The following EPHA6 variants were observed in gnomAD, a reference collection of about 807,000 sequenced individuals.
EPHA6 encodes the protein EPH receptor A6.
EPHA6 carries 50 observed loss-of-function variants against 112.0 expected under a neutral mutation model. That is an observed-to-expected ratio of 0.45 (90% confidence interval 0.36 to 0.56). The LOEUF (loss-of-function observed/expected upper bound fraction) is 0.56. EPHA6 is among the 20% of genes least tolerant of loss of function. The pLI is 0.00. For synonymous variants in EPHA6, 529 were observed against 490.7 expected, an observed-to-expected ratio of 1.08 and a Z score of -1.03; for missense variants, 1,280 against 1,417.4, an observed-to-expected ratio of 0.90 and a Z score of 1.56.
At chr3:97,511,260 T>C (rs1423396096) in intron 10 of EPHA6, among the ~76,000 whole-genome samples, 1 of 152,086 alleles carries the variant, frequency 6.6e-6, no homozygotes, top group Admixed American at 6.5e-5. Flanking sequence ...GCTCGGTGTC[T>C]GCCCAGACAG....
chr3:97,244,539 T>G, intron 5 of EPHA6: 1 of 479,086 alleles, frequency 2.1e-6, no homozygotes, highest in South Asian at 4.8e-5. Flanking sequence ...TTTTGTATAA[T>G]CATATAACAA....
chr3:97,396,607 TA>T (rs776025870), intron 5 of EPHA6, among the ~76,000 whole-genome samples: 4 of 151,640 alleles, frequency 2.6e-5, no homozygotes, highest in African/African-American at 9.7e-5. Flanking sequence ...GAAAATGTAG[TA>T]AAAAATGTAA....
At chr3:97,738,482 T>C (rs1303047029) in intron 16 of EPHA6, among the ~76,000 whole-genome samples, 1 of 152,064 alleles carries the variant, frequency 6.6e-6, no homozygotes, top group African/African-American at 2.4e-5. Context: ...TAAAACAATT[T>C]CCTCTCTGCT....
chr3:97,207,724 T>C (rs1389829067), intron 3 of EPHA6, among the ~76,000 whole-genome samples: 1 of 152,170 alleles, frequency 6.6e-6, no homozygotes, highest in Admixed American at 6.6e-5. Flanking sequence ...AGCTTTTGAT[T>C]AATGGAATGG....
At chr3:97,628,591 T>C (rs763291860) in intron 13 of EPHA6, among the ~76,000 whole-genome samples, 1 of 152,064 alleles carries the variant, frequency 6.6e-6, no homozygotes, top group Non-Finnish European at 1.5e-5. Context: ...GGAATATGAC[T>C]ATTGAAATAA....
At chr3:97,077,842 T>C (rs1314507732) in intron 3 of EPHA6, among the ~76,000 whole-genome samples, 4 of 152,160 alleles carry the variant, frequency 2.6e-5, no homozygotes, top group Non-Finnish European at 4.4e-5. Context: ...TCAATAGTGT[T>C]GTAATAAATA....
At chr3:97,566,561 C>G (rs1473993023) in intron 11 of EPHA6, among the ~76,000 whole-genome samples, 1 of 152,124 alleles carries the variant, frequency 6.6e-6, no homozygotes, top group African/African-American at 2.4e-5. Context: ...TATTTATTAT[C>G]CAGGTTTATT....
At chr3:97,282,089 C>CTTTAAATT (rs2080305259) in intron 5 of EPHA6, among the ~76,000 whole-genome samples, 2 of 152,164 alleles carry the variant, frequency 1.3e-5, no homozygotes, top group African/African-American at 4.8e-5. Flanking sequence ...AGTAATTGAA[C>CTTTAAATT]ACATTGCCCT....
chr3:97,268,274 C>T (rs2079760234), intron 5 of EPHA6, among the ~76,000 whole-genome samples: 1 of 152,074 alleles, frequency 6.6e-6, no homozygotes, highest in Non-Finnish European at 1.5e-5. Context: ...TAGAATTTGG[C>T]CCCATAGCTA....
intron 5 of EPHA6, among the ~76,000 whole-genome samples, chr3:97,332,012 A>C (rs868862805): frequency 6.6e-6 from 1 of 152,262 alleles, no homozygotes; most frequent in South Asian, 2.1e-4. Context: ...TCCTCAATAA[A>C]ATACTGGCAA....
intron 5 of EPHA6, among the ~76,000 whole-genome samples, chr3:97,331,223 A>C (rs189068418): frequency 2.0e-4 from 30 of 152,278 alleles, no homozygotes; most frequent in Non-Finnish European, 2.8e-4. Flanking sequence ...AACATACCAG[A>C]ATCTGTAGGA....
intron 10 of EPHA6, among the ~76,000 whole-genome samples, chr3:97,492,967 G>A (rs1205129582): frequency 5.5e-5 from 8 of 145,450 alleles, no homozygotes; most frequent in Admixed American, 2.7e-4. Flanking sequence ...CAAAACATAA[G>A]CTTTTCCTTT....
intron 14 of EPHA6, among the ~76,000 whole-genome samples, chr3:97,673,226 A>G (rs1367863035): frequency 6.6e-6 from 1 of 152,204 alleles, no homozygotes; most frequent in African/African-American, 2.4e-5. Flanking sequence ...ATTCTGAGAT[A>G]TTATTTTGAT....
At chr3:97,168,632 T>G (rs1275503803) in intron 3 of EPHA6, among the ~76,000 whole-genome samples, 1 of 151,998 alleles carries the variant, frequency 6.6e-6, no homozygotes, top group Non-Finnish European at 1.5e-5. Flanking sequence ...TCTTTCTCTC[T>G]CCTGCCGGCC....
At position 96,992,785 on chromosome 3, in the gene EPHA6, A is replaced by G. The variant is rs1348908552; in HGVS notation, c.1114+4792A>G. Among the ~76,000 whole-genome samples the G allele has an allele frequency of 3.3e-5, 5 of 152,030 alleles. No individual in the cohort carries two copies. The East Asian group carries it at 7.7e-4, about 24-fold the overall frequency. On this transcript the variant is annotated intron_variant, in intron 3 of 17. Coordinates refer to ENST00000389672, the MANE Select transcript of EPHA6 (RefSeq NM_001080448.3). ...GTTTTTGTATCTCTTACCTTTTTTCATATTTTACCTAGCTGCTTTTGTACC... is the reference window on the plus strand; with the variant it reads ...GTTTTTGTATCTCTTACCTTTTTTCGTATTTTACCTAGCTGCTTTTGTACC...
chr3:97,564,612 G>A (rs1375573028), intron 11 of EPHA6, among the ~76,000 whole-genome samples: 1 of 152,038 alleles, frequency 6.6e-6, no homozygotes, highest in Non-Finnish European at 1.5e-5. Flanking sequence ...AACCATGACA[G>A]ATCATGACAC....
intron 3 of EPHA6, among the ~76,000 whole-genome samples, chr3:97,021,292 T>A (rs1190630300): frequency 6.6e-6 from 1 of 151,482 alleles, no homozygotes; most frequent in Non-Finnish European, 1.5e-5. Context: ...TTTAAAATAA[T>A]ATCCAAACTC....
intron 14 of EPHA6, among the ~76,000 whole-genome samples, chr3:97,653,409 A>G (rs1293780192): frequency 6.6e-6 from 1 of 152,034 alleles, no homozygotes; most frequent in Non-Finnish European, 1.5e-5. Context: ...AAAGGCAGTC[A>G]ACATCACTAA....
chr3:97,230,827 A>T (rs746563700), intron 4 of EPHA6, among the ~76,000 whole-genome samples: 2 of 152,152 alleles, frequency 1.3e-5, no homozygotes, highest in Non-Finnish European at 2.9e-5. Context: ...GTAAAATCAC[A>T]GTAAACCAGG....
Sources: allele counts gnomAD v4.1 joint callset (sites outside exome capture counted in the v4.1 genomes callset), GRCh38; gene constraint gnomAD v4.1.1; transcripts MANE v1.5; gene names NCBI Gene and HGNC (gene_info 2026-07-23, HGNC 2026-07-21).